The following ANXA8 variants were observed in gnomAD, a reference collection of about 807,000 sequenced individuals.
The protein encoded by ANXA8 is VAC-beta.
A neutral mutation model predicts 26.8 loss-of-function variants in ANXA8; 9 were observed. The ratio of observed to expected loss-of-function variants is 0.34; its 90% CI spans 0.20 to 0.59. The LOEUF is 0.59. Among genes scored for constraint, ANXA8 ranks in the 20% least tolerant of loss-of-function variants. ANXA8 has a pLI of 0.84. For missense variants in ANXA8, 83 were observed against 238.5 expected (o/e 0.35, Z 4.29); for synonymous variants, 39 against 94.8 (o/e 0.41, Z 3.42).
chr10:47,973,027 G>A, the ANXA8 span: 5 of 149,116 alleles, frequency 3.4e-5, no homozygotes, highest in Admixed American at 3.4e-4. Context: ...AGGGTATATA[G>A]GCAATCAACT....
the ANXA8 span, among the ~76,000 whole-genome samples, chr10:47,966,994 C>A: frequency 2.0e-5 from 3 of 149,394 alleles, no homozygotes; most frequent in African/African-American, 7.3e-5. Flanking sequence ...AAAATTTTAT[C>A]CCAAATGGAG....
the ANXA8 span, among the ~76,000 whole-genome samples, chr10:47,671,021 G>A: frequency 2.0e-5 from 3 of 151,630 alleles, 1 homozygote; most frequent in African/African-American, 7.3e-5. Context: ...AGGGAAGTTG[G>A]CCTGCTTCCA....
At chr10:47,932,691 GCTCT>G in the ANXA8 span, among the ~76,000 whole-genome samples, 22 of 88,022 alleles carry the variant, frequency 2.5e-4, 2 homozygotes, top group Admixed American at 3.7e-4. Flanking sequence ...CAAAGAGCAT[GCTCT>G]CTCTCTCTCT....
At chr10:47,554,146 T>TAAATAAATAAATAAAA in the ANXA8 span, among the ~76,000 whole-genome samples, 15 of 136,046 alleles carry the variant, frequency 1.1e-4, no homozygotes, top group South Asian at 5.1e-4. Context: ...AATAAATAAA[T>TAAATAAATAAATAAAA]AAAAATAAAG....
chr10:47,533,168 T>A, the ANXA8 span, among the ~76,000 whole-genome samples: 5 of 148,052 alleles, frequency 3.4e-5, no homozygotes, highest in African/African-American at 1.3e-4. Context: ...AAAGAAGTCA[T>A]TCCAAGTAAA....
the ANXA8 span, among the ~76,000 whole-genome samples, chr10:47,724,582 T>C: frequency 0.12 from 16,355 of 137,448 alleles, 672 homozygotes; most frequent in African/African-American, 0.17. Flanking sequence ...AGAGAGGCCT[T>C]TCCTAACCAC....
At chr10:47,743,313 C>A in the ANXA8 span, among the ~76,000 whole-genome samples, 1 of 27,550 alleles carries the variant, frequency 3.6e-5, no homozygotes, top group Non-Finnish European at 8.3e-5. Flanking sequence ...TATATATATA[C>A]ACATATATAT....
chr10:47,733,143 A>ATTCTTTCTT, the ANXA8 span, among the ~76,000 whole-genome samples: 17 of 98,138 alleles, frequency 1.7e-4, 1 homozygote, highest in Non-Finnish European at 2.4e-4. Flanking sequence ...CAACTCCCTA[A>ATTCTTTCTT]TCTTTCTTTC....
chr10:47,943,035 TA>T, the ANXA8 span, among the ~76,000 whole-genome samples: 3 of 143,640 alleles, frequency 2.1e-5, no homozygotes, highest in Admixed American at 1.4e-4. Flanking sequence ...CAGTGTCATT[TA>T]AGGATCCCAA....
the ANXA8 span, among the ~76,000 whole-genome samples, chr10:47,577,498 G>A: frequency 7.6e-5 from 11 of 144,320 alleles, no homozygotes; most frequent in Admixed American, 3.5e-4. Flanking sequence ...GTGAGACCCC[G>A]TCTCTACAAA....
the ANXA8 span, among the ~76,000 whole-genome samples, chr10:47,743,365 T>A: frequency 2.7e-5 from 1 of 37,584 alleles, no homozygotes; most frequent in African/African-American, 6.5e-5. Context: ...CACATATATA[T>A]ATATACATAT....
chr10:47,667,404 C>T, the ANXA8 span, among the ~76,000 whole-genome samples: 1 of 151,934 alleles, frequency 6.6e-6, no homozygotes, highest in African/African-American at 2.4e-5. Flanking sequence ...AGGATCTTCC[C>T]TTTGTTTCCA....
At chr10:47,899,009 T>A in the ANXA8 span, among the ~76,000 whole-genome samples, 4 of 149,044 alleles carry the variant, frequency 2.7e-5, no homozygotes, top group African/African-American at 7.4e-5. Flanking sequence ...AATTTTTGTA[T>A]TTTTTTTTAG....
the ANXA8 span, among the ~76,000 whole-genome samples, chr10:47,610,233 T>C: frequency 6.8e-6 from 1 of 146,960 alleles, no homozygotes; most frequent in Non-Finnish European, 1.5e-5. Context: ...ATGCAATATA[T>C]TAAGAAATAA....
the ANXA8 span, chr10:47,543,492 T>C: frequency 9.3e-6 from 2 of 214,504 alleles, no homozygotes; most frequent in East Asian, 3.7e-4. Flanking sequence ...AATGAAGCCA[T>C]CCCAAGAATC....
the ANXA8 span, among the ~76,000 whole-genome samples, chr10:47,918,433 GAGA>G: frequency 7.8e-5 from 2 of 25,784 alleles, no homozygotes; most frequent in Non-Finnish European, 1.5e-4. Flanking sequence ...AAGAAAGAAA[GAGA>G]GAGAGAAAGA....
the ANXA8 span, among the ~76,000 whole-genome samples, chr10:47,658,986 C>T: frequency 6.7e-6 from 1 of 149,598 alleles, no homozygotes; most frequent in African/African-American, 2.5e-5. Flanking sequence ...ATTCTCCTGC[C>T]TCAGCCTCCC....
chr10:47,566,262 C>T, the ANXA8 span, among the ~76,000 whole-genome samples: 218 of 151,788 alleles, frequency 1.4e-3, 1 homozygote, highest in Non-Finnish European at 2.3e-3. Context: ...CAATAAGAGG[C>T]CACCTTCAGT....
At chr10:47,985,100 C>T in the ANXA8 span, among the ~76,000 whole-genome samples, 1 of 147,440 alleles carries the variant, frequency 6.8e-6, no homozygotes, top group Admixed American at 6.8e-5. Flanking sequence ...ATTTACAATG[C>T]ATAAAGAGCT....
Sources: allele counts gnomAD v4.1 joint callset (sites outside exome capture counted in the v4.1 genomes callset), GRCh38; gene constraint gnomAD v4.1.1; transcripts MANE v1.5; gene names NCBI Gene and HGNC (gene_info 2026-07-23, HGNC 2026-07-21).